TMPRSS11A: variants seen among roughly 807,000 people sequenced by gnomAD.
TMPRSS11A encodes the protein transmembrane serine protease 11A, also known as transmembrane protease serine 11A.
In TMPRSS11A, 53 loss-of-function variants were observed where a neutral mutation model predicts 58.9. The observed-to-expected ratio is 0.90, with a 90% CI of 0.72 to 1.13. The LOEUF (loss-of-function observed/expected upper bound fraction) is 1.13. Ranked by LOEUF, TMPRSS11A falls within the 50% of genes most tolerant of loss-of-function variation. The pLI, the probability that TMPRSS11A is intolerant of heterozygous loss-of-function variation, is 0.00. For missense variants in TMPRSS11A, 493 were observed against 499.3 expected (o/e 0.99, Z 0.12); for synonymous variants, 167 against 169.8 (o/e 0.98, Z 0.13).
chr4:67,962,717 A>G (rs139682597), intron 1 of TMPRSS11A, among the ~76,000 whole-genome samples: 185 of 152,384 alleles, frequency 1.2e-3, no homozygotes, highest in South Asian at 4.6e-3. Context: ...ATATAAAGTT[A>G]TGCCAAGGAA....
At chr4:67,934,413 A>G (rs1027616715) in intron 3 of TMPRSS11A, among the ~76,000 whole-genome samples, 1 of 152,212 alleles carries the variant, frequency 6.6e-6, no homozygotes, top group Non-Finnish European at 1.5e-5. Context: ...CTTTTTGCCA[A>G]CGTTCTGGCA....
chr4:67,915,996 T>A (rs353169), intron 8 of TMPRSS11A, among the ~76,000 whole-genome samples: 15,770 of 152,236 alleles, frequency 0.1, 1,133 homozygotes, highest in African/African-American at 0.2. Flanking sequence ...TCTCTTGAAC[T>A]TTTTCTTCCT....
intron 1 of TMPRSS11A, among the ~76,000 whole-genome samples, chr4:67,958,970 T>C (rs1721356858): frequency 6.6e-6 from 1 of 152,226 alleles, no homozygotes; most frequent in Non-Finnish European, 1.5e-5. Context: ...AAGACAATCA[T>C]GCCTTTTACC....
Position 67,911,215 on chromosome 4 carries a change from T to C in TMPRSS11A, c.*127A>G. On this transcript the variant is annotated 3_prime_UTR_variant, in exon 10 of 10. Coordinates refer to ENST00000508048, the MANE Select transcript of TMPRSS11A (RefSeq NM_001114387.2). ...TTAAAGTGATTCTAAATAACTTACG[T>C]TGTGTGTTTCATGTTACTAGATCCA... 1.3e-6 allele frequency: 1 copy of C among 788,496 alleles called. No homozygotes were observed. Among genetic ancestry groups the C allele is most frequent in the Admixed American group, 2.7e-5 (1 of 36,672 alleles). The allele number at this position is 788,496 out of a possible 1,614,324, so 48.8% of individuals were successfully genotyped here.
chr4:67,919,142 A>G lies in TMPRSS11A; in HGVS notation c.783T>C (p.His261=), dbSNP rs371452094. 1.2e-6 allele frequency: 2 copies of G among 1,614,086 alleles called. No homozygotes were observed. The highest frequency in any genetic ancestry group is 1.7e-6 in the Non-Finnish European group (2 of 1,179,898). The change falls in exon 8 of 10, where the codon CAT becomes CAC. Residue 261 remains histidine (H), a synonymous_variant. Transcript: ENST00000508048. The part of the protein sequence containing the change: ...MKRNVRRFII[H]EKYRSAAREY... ...CTCTTGCTGCAGAGCGGTACTTCTC[A>G]TGGATAATAAATCTTCTGACATTTC... is the stretch of plus-strand genomic sequence containing the variant.
chr4:67,945,607 T>C (rs553736131), intron 2 of TMPRSS11A, among the ~76,000 whole-genome samples: 23 of 152,302 alleles, frequency 1.5e-4, no homozygotes, highest in African/African-American at 5.5e-4. Context: ...GGGGTTATCA[T>C]ATAAGGCCTA....
chr4:67,955,115 G>A (rs889216643), intron 1 of TMPRSS11A, among the ~76,000 whole-genome samples: 1 of 152,096 alleles, frequency 6.6e-6, no homozygotes, highest in Non-Finnish European at 1.5e-5. Flanking sequence ...CCATAGGAGG[G>A]AGTTTAGATA....
intron 8 of TMPRSS11A, among the ~76,000 whole-genome samples, chr4:67,915,262 G>A (rs1440509707): frequency 2.0e-5 from 3 of 152,054 alleles, no homozygotes; most frequent in Non-Finnish European, 4.4e-5. Context: ...TGTATTACAA[G>A]TTGGTGGCTG....
chr4:67,926,134 C>A (rs940478138), intron 5 of TMPRSS11A, among the ~76,000 whole-genome samples: 1 of 152,188 alleles, frequency 6.6e-6, no homozygotes, highest in Non-Finnish European at 1.5e-5. Flanking sequence ...AGGCAGTGAG[C>A]TGCTTGACTA....
intron 1 of TMPRSS11A, among the ~76,000 whole-genome samples, chr4:67,953,807 A>G (rs1313291634): frequency 6.6e-6 from 1 of 151,942 alleles, no homozygotes; most frequent in Non-Finnish European, 1.5e-5. Flanking sequence ...AAAAAAAAAA[A>G]TAGTATTTCT....
chr4:67,959,066 G>A (rs1721361603), intron 1 of TMPRSS11A, among the ~76,000 whole-genome samples: 3 of 152,134 alleles, frequency 2.0e-5, no homozygotes, highest in South Asian at 4.1e-4. Flanking sequence ...GCAGTCTCAG[G>A]TATGTCTTTA....
At chr4:67,916,472 TACACACACACACAC>T (rs34678013) in intron 8 of TMPRSS11A, among the ~76,000 whole-genome samples, 2 of 150,094 alleles carry the variant, frequency 1.3e-5, no homozygotes, top group East Asian at 2.0e-4. Context: ...ATATATATTA[TACACACACACACAC>T]ACACACACAC....
chr4:67,914,808 A>T (rs1002407773), intron 8 of TMPRSS11A, 78 bp from the exon 9 acceptor site: 8 of 1,242,856 alleles, frequency 6.4e-6, no homozygotes, highest in Non-Finnish European at 7.9e-6. Flanking sequence ...CTTTCCTAAT[A>T]TTTTTTTCAT....
chr4:67,947,045 T>C, intron 1 of TMPRSS11A, among the ~76,000 whole-genome samples: 1 of 152,284 alleles, frequency 6.6e-6, no homozygotes, highest in East Asian at 1.9e-4. Flanking sequence ...TGAACATCCA[T>C]ATATATATCA....
chr4:67,957,526 A>G (rs1721315994), intron 1 of TMPRSS11A, among the ~76,000 whole-genome samples: 1 of 152,088 alleles, frequency 6.6e-6, no homozygotes, highest in Non-Finnish European at 1.5e-5. Context: ...CTTGAGAGAG[A>G]TGATTTAGGG....
At chr4:67,924,634 C>T (rs1720419388) in intron 5 of TMPRSS11A, among the ~76,000 whole-genome samples, 1 of 152,138 alleles carries the variant, frequency 6.6e-6, no homozygotes, top group South Asian at 2.1e-4. Context: ...CTGGGGAGGC[C>T]TCACAATCAT....
intron 8 of TMPRSS11A, among the ~76,000 whole-genome samples, chr4:67,916,933 C>T (rs1447160361): frequency 1.3e-5 from 2 of 152,126 alleles, no homozygotes; most frequent in East Asian, 3.8e-4. Flanking sequence ...TCCACAACTT[C>T]TTCAGCAAAC....
chr4:67,939,034 C>T (rs1199686733), intron 3 of TMPRSS11A, among the ~76,000 whole-genome samples: 15 of 152,060 alleles, frequency 9.9e-5, no homozygotes, highest in Admixed American at 9.8e-4. Flanking sequence ...ATTGATTCTT[C>T]CAATCCATGA....
At chr4:67,913,398 TGGA>T (rs1337575334) in intron 9 of TMPRSS11A, among the ~76,000 whole-genome samples, 1 of 152,216 alleles carries the variant, frequency 6.6e-6, no homozygotes, top group Admixed American at 6.5e-5. Context: ...ATTCCTGTCT[TGGA>T]TCCTTGTACC....
Sources: gnomAD v4.1 joint callset for allele counts (sites outside exome capture counted in the v4.1 genomes callset) on GRCh38, gnomAD v4.1.1 for gene constraint, MANE v1.5 for transcripts, NCBI Gene and HGNC (gene_info 2026-07-23, HGNC 2026-07-21) for gene names.